The following FNDC3B variants were observed in gnomAD, a reference collection of about 807,000 sequenced individuals.
FNDC3B encodes fibronectin type III domain containing 3B, also known as fibronectin type III domain-containing protein 3B.
Under a neutral mutation model 151.5 loss-of-function variants are expected in FNDC3B, and 12 were observed. That is an observed-to-expected ratio of 0.08 (90% CI 0.05 to 0.13). FNDC3B has a LOEUF of 0.13. Among genes scored for constraint, FNDC3B ranks in the 10% least tolerant of loss-of-function variants. The pLI is 1.00. For synonymous variants in FNDC3B, 528 were observed against 549.0 expected, an observed-to-expected ratio of 0.96 and a Z score of 0.54; for missense variants, 1,214 against 1,505.3, an observed-to-expected ratio of 0.81 and a Z score of 3.20.
chr3:172,290,821 T>A (rs1279089310), intron 7 of FNDC3B, among the ~76,000 whole-genome samples: 1 of 152,244 alleles, frequency 6.6e-6, no homozygotes, highest in Non-Finnish European at 1.5e-5. Flanking sequence ...TTTTCCTTTT[T>A]CATTTATTTT....
At position 172,086,159 on chromosome 3, in the gene FNDC3B, G is replaced by A. The variant is rs572428858; in HGVS notation, c.-28-26293G>A. Among the ~76,000 whole-genome samples the A allele has an allele frequency of 4.6e-5, 7 of 152,226 alleles. 1 individual carries two copies. The South Asian group carries it at 1.5e-3, about 32-fold the overall frequency. ...GAGGATCACTTGAGGCCAGAAGTTT[G>A]AGACTGGCCTGGGCAACATAAAGAG... On this transcript the variant is annotated intron_variant, in intron 1 of 25. Transcript: ENST00000415807.
chr3:172,059,471 C>T (rs990343889), intron 1 of FNDC3B, among the ~76,000 whole-genome samples: 1 of 152,092 alleles, frequency 6.6e-6, no homozygotes, highest in Non-Finnish European at 1.5e-5. Flanking sequence ...TCCTGATACT[C>T]GGCATTTGGG....
rs1553772985 is a variant in FNDC3B at position 172,206,684 on chromosome 3, A to AAAAAG, written c.188-20184_188-20183insAGAAA. Among the ~76,000 whole-genome samples the AAAAAG allele has an allele frequency of 1.3e-3, 183 of 139,526 alleles. 1 individual carries two copies. Among genetic ancestry groups the AAAAAG allele is most frequent in the African/African-American group, 4.9e-3 (176 of 36,022 alleles). The allele number at this position is 139,526 out of a possible 152,430, so 91.5% of individuals were successfully genotyped here. On this transcript the variant is annotated intron_variant, in intron 3 of 25. Coordinates refer to ENST00000415807, the MANE Select transcript of FNDC3B (RefSeq NM_022763.4). ...CAAAAAAAAAAAAAAAAAAAAAAAA[A>AAAAAG]AAAGTATATTCTGGAGACTATATTT...
chr3:172,104,732 A>G (rs1487227443), intron 1 of FNDC3B, among the ~76,000 whole-genome samples: 1 of 152,214 alleles, frequency 6.6e-6, no homozygotes, highest in African/African-American at 2.4e-5. Context: ...GTAGCAGGGA[A>G]GTGGTCAAAA....
intron 7 of FNDC3B, among the ~76,000 whole-genome samples, chr3:172,293,668 G>A (rs1190326472): frequency 6.6e-6 from 1 of 152,204 alleles, no homozygotes; most frequent in Non-Finnish European, 1.5e-5. Context: ...CTGGGAGGTA[G>A]TGAGGCCGGG....
chr3:172,227,000 A>G (rs942489314), intron 4 of FNDC3B, 53 bp downstream of exon 4: 29 of 1,203,074 alleles, frequency 2.4e-5, no homozygotes, highest in Non-Finnish European at 3.1e-5. Flanking sequence ...CGTTGCTCCA[A>G]CAGAATATAT....
chr3:172,141,448 C>T (rs1457106110), intron 3 of FNDC3B, among the ~76,000 whole-genome samples: 1 of 152,228 alleles, frequency 6.6e-6, no homozygotes, highest in African/African-American at 2.4e-5. Flanking sequence ...TCTTGCACCA[C>T]GCCTGAGCAG....
At chr3:172,234,333 G>A (rs1001378119) in intron 4 of FNDC3B, among the ~76,000 whole-genome samples, 1 of 152,212 alleles carries the variant, frequency 6.6e-6, no homozygotes, top group Non-Finnish European at 1.5e-5. Context: ...GTCCTGTTCA[G>A]TCCTGTTCAT....
intron 1 of FNDC3B, among the ~76,000 whole-genome samples, chr3:172,080,785 C>G (rs559517739): frequency 6.6e-6 from 1 of 152,288 alleles, no homozygotes; most frequent in East Asian, 1.9e-4. Flanking sequence ...TGAATCTCCT[C>G]TCTGTGTCTG....
Position 172,378,361 on chromosome 3 carries a change from A to G in FNDC3B, c.3100A>G (p.Ser1034Gly). The G allele has an allele frequency of 3.7e-6, 6 of 1,614,066 alleles. No individual in the cohort carries two copies. Among genetic ancestry groups the G allele is most frequent in the Non-Finnish European group, 5.1e-6 (6 of 1,179,956 alleles). Residue 1034 changes from serine to glycine, a missense_variant, in exon 24 of 26, where the codon AGC (serine) becomes GGC (glycine). Physicochemically the swap from Ser to Gly is moderately conservative, Grantham distance 56. Around this residue, in one of 7 missense-constraint regions of FNDC3B, gnomAD observed 284 missense variants for 392.4 expected, o/e 0.72. Transcript: ENST00000415807. ...TCYSFRIQAA[S>G]EAGEGPFSET... is the part of the protein sequence containing the mutation. ...CTACTCCTTCAGAATCCAGGCAGCAAGCGAGGCTGGAGAAGGGCCCTTCTC... is the reference window on the plus strand; with the variant it reads ...CTACTCCTTCAGAATCCAGGCAGCAGGCGAGGCTGGAGAAGGGCCCTTCTC...
intron 2 of FNDC3B, among the ~76,000 whole-genome samples, chr3:172,127,714 C>T (rs1720869558): frequency 6.6e-6 from 1 of 152,098 alleles, no homozygotes; most frequent in African/African-American, 2.4e-5. Flanking sequence ...GAGACAGTCT[C>T]ACTGTGTTGC....
intron 6 of FNDC3B, among the ~76,000 whole-genome samples, chr3:172,279,664 A>G (rs1729603614): frequency 6.6e-6 from 1 of 152,146 alleles, no homozygotes; most frequent in African/African-American, 2.4e-5. Flanking sequence ...GATTAACTGC[A>G]TTGTCCTTAT....
chr3:172,274,184 G>T (rs762621302), intron 6 of FNDC3B, among the ~76,000 whole-genome samples: 39 of 152,166 alleles, frequency 2.6e-4, no homozygotes, highest in Non-Finnish European at 1.3e-4. Flanking sequence ...GCTTTCAGTA[G>T]CTTCTCTTTG....
Position 172,344,208 on chromosome 3 carries a change from C to T in FNDC3B, c.2200C>T (p.Leu734Phe), listed in dbSNP as rs772776369. The T allele has an allele frequency of 6.2e-7, 1 of 1,614,142 alleles. No individual in the cohort carries two copies. Among genetic ancestry groups the T allele is most frequent in the Non-Finnish European group, 8.5e-7 (1 of 1,179,996 alleles). ...GCTGGAGTGCACCGTCGGCAACCTG[C>T]TTCCTGGAACCGTGTATCGCTTCCG... The part of the protein sequence containing the change: ...PELECTVGNL[L>F]PGTVYRFRVR... Residue 734 changes from leucine to phenylalanine, a missense_variant, in exon 19 of 26, where the codon CTT becomes TTT. By Grantham distance (22) the Leu-to-Phe change is conservative (BLOSUM62 0). Around this residue, in one of 7 missense-constraint regions of FNDC3B, gnomAD observed 380 missense variants for 420.9 expected, o/e 0.90. Coordinates refer to ENST00000415807, the MANE Select transcript of FNDC3B (RefSeq NM_022763.4).
chr3:172,245,441 G>T (rs1727726526), intron 4 of FNDC3B, among the ~76,000 whole-genome samples: 1 of 152,066 alleles, frequency 6.6e-6, no homozygotes. Flanking sequence ...CCATGAAAGA[G>T]AAACATCTGG....
intron 1 of FNDC3B, among the ~76,000 whole-genome samples, chr3:172,051,253 T>C (rs1716639260): frequency 6.8e-6 from 1 of 147,988 alleles, no homozygotes; most frequent in African/African-American, 2.6e-5. Context: ...CTGGCTAATT[T>C]TGTATTTTTT....
At chr3:172,120,357 G>A (rs1720471653) in intron 2 of FNDC3B, among the ~76,000 whole-genome samples, 2 of 152,128 alleles carry the variant, frequency 1.3e-5, no homozygotes, top group Admixed American at 6.5e-5. Context: ...CATTATGATT[G>A]TTTTCAAATT....
At chr3:172,200,986 T>G (rs1725120996) in intron 3 of FNDC3B, among the ~76,000 whole-genome samples, 1 of 152,240 alleles carries the variant, frequency 6.6e-6, no homozygotes, top group African/African-American at 2.4e-5. Flanking sequence ...TTTCAATATC[T>G]CTGCCGTACA....
intron 3 of FNDC3B, chr3:172,187,305 C>T (rs969365528): frequency 2.0e-5 from 3 of 152,126 alleles, no homozygotes; most frequent in Non-Finnish European, 2.9e-5. Context: ...ATTACTTGAC[C>T]TCTTCTTATT....
Sources: allele counts gnomAD v4.1 joint callset (sites outside exome capture counted in the v4.1 genomes callset), GRCh38; gene constraint gnomAD v4.1.1; regional missense constraint gnomAD v4.1.1; transcripts MANE v1.5; gene names NCBI Gene and HGNC (gene_info 2026-07-23, HGNC 2026-07-21).